GXYLT2: variants seen among roughly 807,000 people sequenced by gnomAD.
GXYLT2 encodes the protein glycosyltransferase 8 domain containing 4.
GXYLT2 carries 53 observed loss-of-function variants against 45.8 expected under a neutral mutation model. The ratio of observed to expected loss-of-function variants is 1.16; its 90% CI spans 0.93 to 1.46. The LOEUF (loss-of-function observed/expected upper bound fraction) is 1.46. Ranked by LOEUF, GXYLT2 falls within the 40% of genes most tolerant of loss-of-function variation. GXYLT2 has a pLI of 0.00. For missense variants in GXYLT2, 551 were observed against 544.4 expected, an observed-to-expected ratio of 1.01 and a Z score of -0.12; for synonymous variants, 219 against 214.2, an observed-to-expected ratio of 1.02 and a Z score of -0.19.
At chr3:72,969,919 AAAC>A (rs1485642011) in intron 6 of GXYLT2, among the ~76,000 whole-genome samples, 9 of 150,212 alleles carry the variant, frequency 6.0e-5, no homozygotes, top group East Asian at 2.0e-4. Context: ...GAAAAAAAAA[AAAC>A]AAAAACATTT....
At chr3:72,963,750 G>A (rs557147845) in intron 5 of GXYLT2, among the ~76,000 whole-genome samples, 10 of 144,214 alleles carry the variant, frequency 6.9e-5, no homozygotes, top group African/African-American at 1.5e-4. Flanking sequence ...TTGGCTCACC[G>A]CAACCTCTGC....
chr3:72,898,385 G>A (rs891690681), intron 1 of GXYLT2, among the ~76,000 whole-genome samples: 8 of 152,130 alleles, frequency 5.3e-5, no homozygotes, highest in Non-Finnish European at 8.8e-5. Flanking sequence ...TCAAACTAGC[G>A]CTGCAGATTC....
In GXYLT2 at chr3:72,975,006, C is replaced by T; in HGVS notation, c.1179C>T (p.Ser393=). The change falls in exon 7 of 7, where the codon TCC becomes TCT. Residue 393 remains serine (S), a synonymous_variant. Transcript: ENST00000389617. The part of the protein sequence containing the change: ...DFPFQDNLFQ[S]MYYPLQLKFL... ...CCTTTCAAGACAATCTCTTTCAATC[C>T]ATGTATTACCCCCTTCAGCTGAAGT... The T allele has an allele frequency of 6.3e-7, 1 of 1,591,044 alleles. No individual in the cohort carries two copies. Among genetic ancestry groups the T allele is most frequent in the Non-Finnish European group, 8.6e-7 (1 of 1,167,548 alleles).
intron 1 of GXYLT2, among the ~76,000 whole-genome samples, chr3:72,906,586 TGCAGGC>T (rs58220888): frequency 0.095 from 14,493 of 152,218 alleles, 718 homozygotes; most frequent in African/African-American, 0.14. Flanking sequence ...GTTCTTCCAG[TGCAGGC>T]GTCTTTGTTT....
At chr3:72,962,487 G>A (rs1710788238) in intron 5 of GXYLT2, among the ~76,000 whole-genome samples, 1 of 152,106 alleles carries the variant, frequency 6.6e-6, no homozygotes, top group African/African-American at 2.4e-5. Flanking sequence ...GCCACAGCAA[G>A]GAAAATGAGA....
chr3:72,943,528 C>T (rs748860931), intron 3 of GXYLT2, among the ~76,000 whole-genome samples: 2 of 151,712 alleles, frequency 1.3e-5, no homozygotes, highest in Non-Finnish European at 2.9e-5. Context: ...AGGCACGCCC[C>T]ACCACGCCTG....
At chr3:72,924,133 A>G (rs141636938) in intron 3 of GXYLT2, among the ~76,000 whole-genome samples, 2 of 152,104 alleles carry the variant, frequency 1.3e-5, no homozygotes, top group East Asian at 1.9e-4. Flanking sequence ...GAATGAAGCA[A>G]TCAGCAGAGA....
At position 72,944,447 on chromosome 3, in the gene GXYLT2, G is replaced by T. The variant is rs187535707; in HGVS notation, c.601-10651G>T. ...TTTTTGTATTTTTAGTGGAGATGGG[G>T]TTTCACCATCTTGGCCAGGCTGGTC... On this transcript the variant is annotated intron_variant, in intron 3 of 6. Coordinates refer to ENST00000389617, the MANE Select transcript of GXYLT2 (RefSeq NM_001080393.2). 9.2e-5 allele frequency among the ~76,000 whole-genome samples: 14 copies of T among 151,890 alleles called. No homozygotes were observed. In the East Asian group the frequency reaches 2.3e-3, roughly 25 times the overall value.
intron 5 of GXYLT2, among the ~76,000 whole-genome samples, chr3:72,962,293 G>T (rs138562806): frequency 6.6e-6 from 1 of 152,126 alleles, no homozygotes; most frequent in Non-Finnish European, 1.5e-5. Flanking sequence ...GATGTAAAAC[G>T]CAAGAGAAAA....
Position 72,888,218 on chromosome 3 carries a change from G to A in GXYLT2, c.-16G>A. The A allele has an allele frequency of 1.0e-6, 1 of 989,230 alleles. No homozygotes were observed. Among genetic ancestry groups the A allele is most frequent in the Non-Finnish European group, 1.2e-6 (1 of 834,832 alleles). The allele number at this position is 989,230 out of a possible 1,614,324, so 61.3% of individuals were successfully genotyped here. A position where few individuals can be genotyped will look rare whatever the true frequency, so the allele number is the denominator to read the frequency against. ...GCCGAGCCGCCTGGGGGCCGCCGCC[G>A]CCGCCGCGCCGCACCATGAAGCTCC... On this transcript the variant is annotated 5_prime_UTR_variant, in exon 1 of 7. Transcript: ENST00000389617.
At chr3:72,894,262 A>G (rs1249711398) in intron 1 of GXYLT2, among the ~76,000 whole-genome samples, 2 of 152,100 alleles carry the variant, frequency 1.3e-5, no homozygotes, top group Non-Finnish European at 1.5e-5. Flanking sequence ...CCTGTGTTGG[A>G]GTTGAGGGTT....
Position 72,950,572 on chromosome 3 carries a change from G to A in GXYLT2, c.601-4526G>A, listed in dbSNP as rs28435546. 9.8e-3 allele frequency among the ~76,000 whole-genome samples: 1,489 copies of A among 152,116 alleles called. 18 individuals carry two copies. Among genetic ancestry groups the A allele is most frequent in the African/African-American group, 0.034 (1,409 of 41,480 alleles). On this transcript the variant is annotated intron_variant, in intron 3 of 6. Transcript: ENST00000389617. ...CTTGAGCCTAGGAGGTCAAGGCTCA[G>A]TGAGCTATGATTGCACCACTGCACT...
At chr3:72,895,272 TG>T (rs1399040657) in intron 1 of GXYLT2, among the ~76,000 whole-genome samples, 2 of 151,954 alleles carry the variant, frequency 1.3e-5, no homozygotes, top group Non-Finnish European at 2.9e-5. Flanking sequence ...GTGGCGGGGT[TG>T]GGGGGCAGCT....
chr3:72,902,944 T>TAGAGTTGCAA (rs1353217012), intron 1 of GXYLT2, among the ~76,000 whole-genome samples: 4 of 152,114 alleles, frequency 2.6e-5, no homozygotes, highest in Non-Finnish European at 5.9e-5. Context: ...ACCTGGGAGA[T>TAGAGTTGCAA]AGAGTTGCAG....
In GXYLT2 at chr3:72,890,125, T is replaced by A. The variant is rs116231359; in HGVS notation, c.275+1617T>A. Among the ~76,000 whole-genome samples the A allele has an allele frequency of 3.3e-3, 504 of 152,274 alleles. 2 individuals carry two copies. The highest frequency in any genetic ancestry group is 0.017 in the Middle Eastern group (5 of 294). ...AGTAGAGAGACGGGGTTTCACCATA[T>A]TGGCCAGGAACTCCTGAGCCCAGTG... On this transcript the variant is annotated intron_variant, in intron 1 of 6. Coordinates refer to ENST00000389617, the MANE Select transcript of GXYLT2 (RefSeq NM_001080393.2).
chr3:72,890,697 C>T (rs1709166599), intron 1 of GXYLT2, among the ~76,000 whole-genome samples: 2 of 152,178 alleles, frequency 1.3e-5, no homozygotes, highest in Non-Finnish European at 2.9e-5. Flanking sequence ...CTTTTTGTGT[C>T]TATCTGAACA....
chr3:72,895,266 C>T (rs2107060147), intron 1 of GXYLT2, among the ~76,000 whole-genome samples: 1 of 151,016 alleles, frequency 6.6e-6, no homozygotes, highest in South Asian at 2.1e-4. Context: ...GGGCTGGTGG[C>T]GGGGTTGGGG....
Position 72,922,193 on chromosome 3 carries a change from A to G in GXYLT2, c.469-11A>G, listed in dbSNP as rs1709843410. On this transcript the variant is annotated splice_polypyrimidine_tract_variant and intron_variant, in intron 2 of 6. Coordinates refer to ENST00000389617, the MANE Select transcript of GXYLT2 (RefSeq NM_001080393.2). Reference sequence around the variant, plus strand: ...CCTAATCACCCTTCCCTTGCTTCCCATGTTTTTCAGTTACGCCAGTGGCCT... The same window carrying G: ...CCTAATCACCCTTCCCTTGCTTCCCGTGTTTTTCAGTTACGCCAGTGGCCT... 17 of 1,610,536 alleles carry G rather than the reference A, an allele frequency of 1.1e-5. No individual in the cohort carries two copies. Among genetic ancestry groups the G allele is most frequent in the East Asian group, 2.2e-5 (1 of 44,798 alleles).
intron 3 of GXYLT2, among the ~76,000 whole-genome samples, chr3:72,928,822 C>G (rs1709967346): frequency 6.6e-6 from 1 of 152,182 alleles, no homozygotes; most frequent in African/African-American, 2.4e-5. Context: ...TTAAAATGCT[C>G]TATTAGAAAA....
Sources: allele counts gnomAD v4.1 joint callset (sites outside exome capture counted in the v4.1 genomes callset), GRCh38; gene constraint gnomAD v4.1.1; transcripts MANE v1.5; gene names NCBI Gene and HGNC (gene_info 2026-07-23, HGNC 2026-07-21).